The following NRG3 variants were observed in gnomAD, a reference collection of about 807,000 sequenced individuals.
The protein encoded by NRG3 is pro-neuregulin-3, membrane-bound isoform.
A neutral mutation model predicts 66.9 loss-of-function variants in NRG3; 31 were observed. The observed-to-expected ratio is 0.46, with a 90% CI of 0.35 to 0.63. The LOEUF is 0.63. Ranked by LOEUF, NRG3 falls within the 20% of genes least tolerant of loss-of-function variation. The pLI, the probability that NRG3 is intolerant of heterozygous loss-of-function variation, is 0.00. For synonymous variants in NRG3, 393 were observed against 359.4 expected (o/e 1.09, Z -1.06); for missense variants, 910 against 878.9 (o/e 1.04, Z -0.45).
rs137907414 is a variant in NRG3 at position 82,050,430 on chromosome 10, G to A, written c.823+174267G>A. 4.6e-5 allele frequency among the ~76,000 whole-genome samples: 7 copies of A among 152,046 alleles called. No homozygotes were observed. The East Asian group carries it at 1.4e-3, about 30-fold the overall frequency. Reference sequence around the variant, plus strand: ...GAATGGATGGATGAATAGATGAATGGGTGGCTGGCTGGCTGAATGGATTGG... The same window carrying A: ...GAATGGATGGATGAATAGATGAATGAGTGGCTGGCTGGCTGAATGGATTGG... On this transcript the variant is annotated intron_variant, in intron 1 of 8. Coordinates refer to ENST00000372141, the MANE Select transcript of NRG3 (RefSeq NM_001010848.4).
intron 1 of NRG3, among the ~76,000 whole-genome samples, chr10:82,194,889 T>C (rs2074365234): frequency 6.6e-6 from 1 of 152,174 alleles, no homozygotes; most frequent in Non-Finnish European, 1.5e-5. Flanking sequence ...CAGAACCCTC[T>C]CAGGCATCAG....
chr10:82,678,430 G>A (rs1282611578), intron 2 of NRG3, among the ~76,000 whole-genome samples: 1 of 152,154 alleles, frequency 6.6e-6, no homozygotes, highest in East Asian at 1.9e-4. Context: ...GCCAGGATGA[G>A]CCAGGAAAAG....
chr10:82,497,976 C>T (rs959591659), intron 2 of NRG3, among the ~76,000 whole-genome samples: 14 of 152,106 alleles, frequency 9.2e-5, no homozygotes, highest in Non-Finnish European at 2.1e-4. Context: ...TTGCATATCT[C>T]TGCTGACTAG....
intron 4 of NRG3, among the ~76,000 whole-genome samples, chr10:82,880,823 G>A (rs577161610): frequency 3.7e-4 from 57 of 152,262 alleles, no homozygotes; most frequent in Non-Finnish European, 6.2e-4. Flanking sequence ...TATAAACATC[G>A]TATTTGTTGT....
rs1345877267 is a variant in NRG3 at position 82,795,192 on chromosome 10, C to A, written c.1027+56542C>A. On this transcript the variant is annotated intron_variant, in intron 3 of 8. Transcript: ENST00000372141. ...GAAAGCAGTATTTTTTATAAAAAAG[C>A]TTTATTGGTATAACAGAGGTATAAT... Among the ~76,000 whole-genome samples, 5 of 152,146 alleles carry A rather than the reference C, an allele frequency of 3.3e-5. No individual in the cohort carries two copies. The East Asian group carries it at 9.7e-4, about 29-fold the overall frequency.
chr10:82,118,216 TA>T (rs201442608), intron 1 of NRG3, among the ~76,000 whole-genome samples: 325 of 130,152 alleles, frequency 2.5e-3, no homozygotes, highest in East Asian at 4.3e-3. Context: ...GTAAGGACTC[TA>T]AAAAAAAAAA....
intron 1 of NRG3, among the ~76,000 whole-genome samples, chr10:82,278,591 C>G (rs1323434197): frequency 1.3e-5 from 2 of 152,050 alleles, no homozygotes; most frequent in African/African-American, 4.8e-5. Context: ...AGTGAGTGGG[C>G]AGGTTTTTGC....
intron 1 of NRG3, among the ~76,000 whole-genome samples, chr10:81,928,256 G>T (rs1252661034): frequency 3.9e-5 from 6 of 152,130 alleles, no homozygotes; most frequent in African/African-American, 1.4e-4. Context: ...CCAGCAGCAG[G>T]TTACCACCAC....
At chr10:82,123,353 T>G (rs1216961759) in intron 1 of NRG3, among the ~76,000 whole-genome samples, 1 of 152,166 alleles carries the variant, frequency 6.6e-6, no homozygotes, top group Non-Finnish European at 1.5e-5. Context: ...TTTAATACAT[T>G]CAGTGTTCCT....
chr10:82,392,781 G>A (rs185953433), intron 2 of NRG3, among the ~76,000 whole-genome samples: 1 of 152,076 alleles, frequency 6.6e-6, no homozygotes, highest in East Asian at 1.9e-4. Flanking sequence ...GATCTAACCA[G>A]GAAAAAGAAA....
At chr10:82,545,713 T>C (rs552148231) in intron 2 of NRG3, among the ~76,000 whole-genome samples, 21 of 151,402 alleles carry the variant, frequency 1.4e-4, no homozygotes, top group Admixed American at 5.9e-4. Context: ...CTGTGCATCA[T>C]CTGTGTAATG....
At chr10:82,145,863 C>T (rs1427329820) in intron 1 of NRG3, among the ~76,000 whole-genome samples, 1 of 151,852 alleles carries the variant, frequency 6.6e-6, no homozygotes, top group Non-Finnish European at 1.5e-5. Flanking sequence ...TAGTGGTCAT[C>T]GCTCTCCACA....
At chr10:82,515,628 G>A (rs930797322) in intron 2 of NRG3, among the ~76,000 whole-genome samples, 1 of 152,162 alleles carries the variant, frequency 6.6e-6, no homozygotes, top group Non-Finnish European at 1.5e-5. Flanking sequence ...CCTTTATTTT[G>A]TATAAAAGTT....
chr10:82,605,361 A>G (rs2047902843), intron 2 of NRG3, among the ~76,000 whole-genome samples: 2 of 151,968 alleles, frequency 1.3e-5, no homozygotes, highest in Admixed American at 6.6e-5. Flanking sequence ...CCTTTAACCC[A>G]TTGATATGAT....
At chr10:82,043,144 A>C (rs2133036367) in intron 1 of NRG3, among the ~76,000 whole-genome samples, 1 of 152,154 alleles carries the variant, frequency 6.6e-6, no homozygotes, top group Middle Eastern at 3.4e-3. Context: ...CAGAATTATT[A>C]TCTTTAAGTG....
chr10:82,959,734 G>A (rs572001492), intron 6 of NRG3, among the ~76,000 whole-genome samples: 1 of 152,310 alleles, frequency 6.6e-6, no homozygotes, highest in East Asian at 1.9e-4. Context: ...AAAGGTGAAA[G>A]GTGGAGTTTC....
At chr10:82,152,511 CT>C (rs1009021413) in intron 1 of NRG3, among the ~76,000 whole-genome samples, 1 of 151,228 alleles carries the variant, frequency 6.6e-6, no homozygotes, top group African/African-American at 2.4e-5. Flanking sequence ...TGAACTATTT[CT>C]TTTTTTTTGA....
chr10:82,456,120 A>G (rs1388434104), intron 2 of NRG3, among the ~76,000 whole-genome samples: 1 of 146,834 alleles, frequency 6.8e-6, no homozygotes, highest in African/African-American at 2.5e-5. Flanking sequence ...TTTACTATTT[A>G]AAATATTTTT....
chr10:81,980,249 G>A (rs937890651), intron 1 of NRG3, among the ~76,000 whole-genome samples: 1 of 151,864 alleles, frequency 6.6e-6, no homozygotes, highest in African/African-American at 2.4e-5. Context: ...CAGTGGACTG[G>A]AATTGGAACA....
Sources: allele counts gnomAD v4.1 joint callset (sites outside exome capture counted in the v4.1 genomes callset), GRCh38; gene constraint gnomAD v4.1.1; transcripts MANE v1.5; gene names NCBI Gene and HGNC (gene_info 2026-07-23, HGNC 2026-07-21).